The following DNAH12 variants were observed in gnomAD, a reference collection of about 807,000 sequenced individuals.
DNAH12 encodes the protein dynein axonemal heavy chain 12.
A neutral mutation model predicts 371.5 loss-of-function variants in DNAH12; 285 were observed. That is an observed-to-expected ratio of 0.77 (90% CI 0.70 to 0.85). The LOEUF (loss-of-function observed/expected upper bound fraction) is 0.85. Among genes scored for constraint, DNAH12 ranks in the 40% least tolerant of loss-of-function variants. The pLI, the probability that DNAH12 is intolerant of heterozygous loss-of-function variation, is 0.00. For synonymous variants in DNAH12, 1,200 were observed against 1,213.0 expected (o/e 0.99, Z 0.22); for missense variants, 3,611 against 3,689.4 (o/e 0.98, Z 0.55).
intron 4 of DNAH12, among the ~76,000 whole-genome samples, chr3:57,512,126 T>C (rs539652298): frequency 2.0e-5 from 3 of 152,162 alleles, no homozygotes; most frequent in African/African-American, 7.2e-5. Flanking sequence ...AAAAGACAAT[T>C]GACAATCTGG....
rs2063264085 is a variant in DNAH12, at chr3:57,375,527, TA to T, written c.8614-12del. 6.6e-6 allele frequency: 1 copy of T among 152,092 alleles called. No individual in the cohort carries two copies. Among genetic ancestry groups the T allele is most frequent in the African/African-American group, 2.4e-5 (1 of 41,428 alleles). The allele number at this position is 152,092 out of a possible 1,614,324, so 9.4% of individuals were successfully genotyped here. On this transcript the variant is annotated splice_polypyrimidine_tract_variant and intron_variant, in intron 54 of 73. Transcript: ENST00000495027. ...CGGGATTTTTTTCTTCTGTAAGAAATAAACAAAAATCTATTTTCCTTCACCT... is the reference window on the plus strand; with the variant it reads ...CGGGATTTTTTTCTTCTGTAAGAAATAACAAAAATCTATTTTCCTTCACCT...
Position 57,519,720 on chromosome 3 carries a change from A to G in DNAH12, c.279+3863T>C. ...AGTCCTGCTGGCAGAGAGGGCAGCG[A>G]TTGTTCTGTTTCACCCACAGGGACA... On this transcript the variant is annotated intron_variant, in intron 4 of 73. Coordinates refer to ENST00000495027, the MANE Select transcript of DNAH12 (RefSeq NM_001366028.2). 3 of 1,611,360 alleles carry G rather than the reference A, an allele frequency of 1.9e-6. No homozygotes were observed. In the South Asian group the frequency reaches 3.3e-5, roughly 18 times the overall value.
At chr3:57,302,529 G>GTATATATA (rs71088055) in intron 69 of DNAH12, among the ~76,000 whole-genome samples, 1 of 47,850 alleles carries the variant, frequency 2.1e-5, no homozygotes, top group Non-Finnish European at 3.4e-5. Context: ...GGCATCAGGT[G>GTATATATA]TATATATATA....
chr3:57,521,230 A>G (rs537927378), intron 4 of DNAH12, among the ~76,000 whole-genome samples: 44 of 152,088 alleles, frequency 2.9e-4, no homozygotes, highest in African/African-American at 9.6e-4. Flanking sequence ...TTTTACATTT[A>G]CACCTATGAT....
chr3:57,536,039 G>C, intron 2 of DNAH12, among the ~76,000 whole-genome samples: 1 of 151,544 alleles, frequency 6.6e-6, no homozygotes, highest in East Asian at 1.9e-4. Context: ...GTTTCACTGT[G>C]TTGGCCAGGC....
At chr3:57,484,553 G>A (rs1439694088) in intron 12 of DNAH12, among the ~76,000 whole-genome samples, 1 of 152,072 alleles carries the variant, frequency 6.6e-6, no homozygotes, top group East Asian at 1.9e-4. Flanking sequence ...ACGGATCAAA[G>A]ACTTAAATCC....
At chr3:57,431,441 A>G (rs1337095910) in intron 32 of DNAH12, among the ~76,000 whole-genome samples, 1 of 152,208 alleles carries the variant, frequency 6.6e-6, no homozygotes, top group Non-Finnish European at 1.5e-5. Context: ...AATAATACAC[A>G]ATTCTGAAAT....
intron 60 of DNAH12, among the ~76,000 whole-genome samples, chr3:57,349,916 C>T (rs2062631414): frequency 6.6e-6 from 1 of 152,154 alleles, no homozygotes; most frequent in Non-Finnish European, 1.5e-5. Context: ...TCTTGAGCAC[C>T]TGAACTCAGG....
At position 57,479,163 on chromosome 3, in the gene DNAH12, T is replaced by C. The variant is rs1386636794; in HGVS notation, c.1650+4213A>G. ...TAGAGTCAAGACCCATAGTGTGCTG[T>C]ATTCAGGAAACCCATCTCACGTGCA... On this transcript the variant is annotated intron_variant, in intron 13 of 73. Transcript: ENST00000495027. Among the ~76,000 whole-genome samples, 3 of 152,004 alleles carry C rather than the reference T, an allele frequency of 2.0e-5. No homozygotes were observed. In the South Asian group the frequency reaches 6.2e-4, roughly 32 times the overall value.
In DNAH12 at chr3:57,457,997, G is replaced by C; in HGVS notation, c.3060C>G (p.Phe1020Leu). ...EKKRLFFPRFFFLSNDEMLEI... is the reference protein window; with the variant it reads ...EKKRLFFPRFLFLSNDEMLEI... ...CTAACATTTCATCATTAGATAAGAA[G>C]AAAAAACTAGGGAAAAACATGCAAA... Residue 1020 changes from phenylalanine (F) to leucine (L), a missense_variant, in exon 22 of 74, where the codon TTC becomes TTG. By Grantham distance (22) the Phe-to-Leu change is conservative. Around this residue, in one of 3 missense-constraint regions of DNAH12, gnomAD observed 1,314 missense variants for 1,398.7 expected, o/e 0.94. Coordinates refer to ENST00000495027, the MANE Select transcript of DNAH12 (RefSeq NM_001366028.2). 6.5e-7 allele frequency: 1 copy of C among 1,543,732 alleles called. No individual in the cohort carries two copies. The highest frequency in any genetic ancestry group is 8.7e-7 in the Non-Finnish European group (1 of 1,143,522).
chr3:57,333,731 G>C (rs1011409790), intron 62 of DNAH12, among the ~76,000 whole-genome samples: 1 of 152,138 alleles, frequency 6.6e-6, no homozygotes, highest in Admixed American at 6.5e-5. Context: ...GTTGACCCCT[G>C]AACTAGCAGG....
At chr3:57,470,164 C>T (rs912872303) in intron 16 of DNAH12, among the ~76,000 whole-genome samples, 1 of 151,420 alleles carries the variant, frequency 6.6e-6, no homozygotes, top group Non-Finnish European at 1.5e-5. Flanking sequence ...GGTAATGTGC[C>T]GACATTGTAA....
chr3:57,295,815 C>A (rs1196467626), intron 72 of DNAH12, among the ~76,000 whole-genome samples: 1 of 152,140 alleles, frequency 6.6e-6, no homozygotes, highest in African/African-American at 2.4e-5. Flanking sequence ...TGAATGTCTG[C>A]CAATTTTTAA....
intron 14 of DNAH12, among the ~76,000 whole-genome samples, chr3:57,472,034 T>C (rs2066383202): frequency 6.6e-6 from 1 of 152,144 alleles, no homozygotes; most frequent in Non-Finnish European, 1.5e-5. Context: ...AGAATCTTGG[T>C]TTATCTGATT....
intron 70 of DNAH12, among the ~76,000 whole-genome samples, chr3:57,299,909 G>C (rs1207811764): frequency 6.6e-6 from 1 of 152,202 alleles, no homozygotes; most frequent in African/African-American, 2.4e-5. Flanking sequence ...GAGAAATGAG[G>C]AAAGTGTAGA....
chr3:57,526,528 T>C, intron 2 of DNAH12, among the ~76,000 whole-genome samples: 1 of 101,340 alleles, frequency 9.9e-6, no homozygotes, highest in East Asian at 2.6e-4. Flanking sequence ...TTTCCAGATC[T>C]TTTTTTTTTT....
At chr3:57,532,305 A>G (rs952545495) in intron 2 of DNAH12, among the ~76,000 whole-genome samples, 1 of 152,136 alleles carries the variant, frequency 6.6e-6, no homozygotes, top group Non-Finnish European at 1.5e-5. Flanking sequence ...CTCTGTCTGA[A>G]AGGTCACATA....
At chr3:57,336,664 C>G (rs2062230520) in intron 60 of DNAH12, among the ~76,000 whole-genome samples, 1 of 151,974 alleles carries the variant, frequency 6.6e-6, no homozygotes, top group Admixed American at 6.6e-5. Flanking sequence ...TGTAGGTAAA[C>G]ATAAAAGATT....
intron 11 of DNAH12, among the ~76,000 whole-genome samples, chr3:57,499,630 CAA>C (rs1220632097): frequency 3.8e-3 from 56 of 14,890 alleles, no homozygotes; most frequent in African/African-American, 0.012. Flanking sequence ...ACCATCTCTA[CAA>C]AAAAAAAAAA....
Sources: gnomAD v4.1 joint callset for allele counts (sites outside exome capture counted in the v4.1 genomes callset) on GRCh38, gnomAD v4.1.1 for gene constraint, gnomAD v4.1.1 regional missense constraint, MANE v1.5 for transcripts, NCBI Gene and HGNC (gene_info 2026-07-23, HGNC 2026-07-21) for gene names.